The following SLC3A1 variants were observed in gnomAD, a reference collection of about 807,000 sequenced individuals.
SLC3A1 encodes the protein solute carrier family 3 member 1, also known as amino acid transporter heavy chain SLC3A1.
A neutral mutation model predicts 60.3 loss-of-function variants in SLC3A1; 78 were observed. That is an observed-to-expected ratio of 1.29 (90% confidence interval 1.08 to 1.56). SLC3A1 has a LOEUF of 1.56. Ranked by LOEUF, SLC3A1 falls within the 40% of genes most tolerant of loss-of-function variation. SLC3A1 has a pLI of 0.00. For missense variants in SLC3A1, 1,172 were observed against 858.9 expected (o/e 1.36, Z -4.56); for synonymous variants, 392 against 307.9 (o/e 1.27, Z -2.86).
intron 9 of SLC3A1, chr2:44,319,020 G>C (rs2103622727): frequency 6.6e-6 from 1 of 152,210 alleles, no homozygotes; most frequent in East Asian, 1.9e-4. Flanking sequence ...CACTTCTTAT[G>C]TGAGTGGCAC....
chr2:44,320,237 T>C lies in SLC3A1; in HGVS notation c.1656T>C (p.Tyr552=), dbSNP rs2103641399. The change falls in exon 10 of 10, where the codon TAT becomes TAC. Residue 552 remains tyrosine (Y), a synonymous_variant. Transcript: ENST00000260649. ...AGCCCAGATCGGCTTTGAAGTTATATCAAGATTTAAGTCTACTTCATGCCA... is the reference window on the plus strand; with the variant it reads ...AGCCCAGATCGGCTTTGAAGTTATACCAAGATTTAAGTCTACTTCATGCCA... ...KTQPRSALKL[Y]QDLSLLHANE... is the part of the protein sequence containing the mutation. The C allele has an allele frequency of 1.9e-6, 3 of 1,614,030 alleles. No homozygotes were observed. Among genetic ancestry groups the C allele is most frequent in the South Asian group, 2.2e-5 (2 of 91,052 alleles).
At position 44,320,416 on chromosome 2, in the gene SLC3A1, C is replaced by G. The variant is rs759732153; in HGVS notation, c.1835C>G (p.Ser612Trp). 1 of 1,613,980 alleles carries G rather than the reference C, an allele frequency of 6.2e-7. No homozygotes were observed. ...STLLNLHNMI[S>W]GLPAKMRIRL... ...CTGTTAAATCTACATAATATGATTT[C>G]GGGCCTTCCCGCTAAAATGAGAATA... Residue 612 changes from serine (S) to tryptophan (W), a missense_variant, in exon 10 of 10, where the codon TCG becomes TGG. Coordinates refer to ENST00000260649, the MANE Select transcript of SLC3A1 (RefSeq NM_000341.4).
At chr2:44,298,356 C>T (rs775195906) in intron 4 of SLC3A1, among the ~76,000 whole-genome samples, 2 of 151,826 alleles carry the variant, frequency 1.3e-5, no homozygotes, top group South Asian at 2.1e-4. Context: ...TCTGGCCACA[C>T]TGGCCACCCC....
chr2:44,281,500 T>C lies in SLC3A1; in HGVS notation c.724T>C (p.Cys242Arg), dbSNP rs1323168656. The C allele has an allele frequency of 6.2e-7, 1 of 1,614,098 alleles. No individual in the cohort carries two copies. The highest frequency in any genetic ancestry group is 8.5e-7 in the Non-Finnish European group (1 of 1,179,946). ...TACTGATTATTATATCTGGCATGAC[T>C]GTACCCATGAAAATGGCAAAACCAT... ...KYTDYYIWHD[C>R]THENGKTIPP... is the part of the protein sequence containing the mutation. Residue 242 changes from cysteine (C) to arginine (R), a missense_variant, in exon 3 of 10, where the codon TGT (cysteine) becomes CGT (arginine). Transcript: ENST00000260649.
At position 44,321,299 on chromosome 2, in the gene SLC3A1, G is replaced by T; in HGVS notation, c.*660G>T. The T allele has an allele frequency of 7.2e-7, 1 of 1,380,854 alleles. No individual in the cohort carries two copies. Among genetic ancestry groups the T allele is most frequent in the Non-Finnish European group, 1.0e-6 (1 of 988,470 alleles). The allele number at this position is 1,380,854 out of a possible 1,614,324, so 85.5% of individuals were successfully genotyped here. ...AATTTTTTTTTTGCTAACTCAATTGGAAGTAAGACTATGAAATATTTCAGT... is the reference window on the plus strand; with the variant it reads ...AATTTTTTTTTTGCTAACTCAATTGTAAGTAAGACTATGAAATATTTCAGT... On this transcript the variant is annotated 3_prime_UTR_variant, in exon 10 of 10. Transcript: ENST00000260649.
chr2:44,320,131 A>G, intron 9 of SLC3A1, 68 bp from the exon 10 acceptor site: 2 of 1,373,052 alleles, frequency 1.5e-6, no homozygotes, highest in Non-Finnish European at 2.0e-6. Flanking sequence ...TCCTTACAAT[A>G]TATTAAAAAT....
downstream of SLC3A1, among the ~76,000 whole-genome samples, chr2:44,322,241 T>C (rs1673044092): frequency 6.6e-6 from 1 of 151,966 alleles, no homozygotes; most frequent in Non-Finnish European, 1.5e-5. Flanking sequence ...CAAATGGAGA[T>C]GAATACAGGG....
chr2:44,290,192 T>G (rs1368798760), intron 4 of SLC3A1, among the ~76,000 whole-genome samples: 1 of 152,004 alleles, frequency 6.6e-6, no homozygotes, highest in African/African-American at 2.4e-5. Context: ...ATACTATTCT[T>G]TCCCTACTGA....
At chr2:44,280,005 G>A (rs1173859503) in intron 1 of SLC3A1, among the ~76,000 whole-genome samples, 1 of 152,150 alleles carries the variant, frequency 6.6e-6, no homozygotes, top group East Asian at 1.9e-4. Context: ...GTGGCTCTTA[G>A]ACAGAACAGT....
intron 4 of SLC3A1, among the ~76,000 whole-genome samples, chr2:44,290,390 C>T (rs1313109285): frequency 1.3e-5 from 2 of 152,096 alleles, no homozygotes; most frequent in Non-Finnish European, 2.9e-5. Context: ...TGTTCTTTTT[C>T]AGTATTGTTT....
At chr2:44,311,728 A>AC (rs1672302392) in intron 7 of SLC3A1, among the ~76,000 whole-genome samples, 1 of 151,734 alleles carries the variant, frequency 6.6e-6, no homozygotes, top group African/African-American at 2.4e-5. Context: ...GAAGTTAAAA[A>AC]AAAAAAAACC....
intron 9 of SLC3A1, chr2:44,318,909 T>G (rs1341418289): frequency 6.6e-6 from 1 of 152,122 alleles, no homozygotes; most frequent in African/African-American, 2.4e-5. Context: ...TAGAAAATAC[T>G]CAAATGCAAA....
In SLC3A1 at chr2:44,321,197, G is replaced by C; in HGVS notation, c.*558G>C. On this transcript the variant is annotated 3_prime_UTR_variant, in exon 10 of 10. Transcript: ENST00000260649. Reference sequence around the variant, plus strand: ...TCAATGGAGAGAATAGTATAAGCAAGTGAGATGTAGACTAAGCAAAATTTA... The same window carrying C: ...TCAATGGAGAGAATAGTATAAGCAACTGAGATGTAGACTAAGCAAAATTTA... 1.6e-6 allele frequency: 1 copy of C among 644,738 alleles called. No homozygotes were observed. The highest frequency in any genetic ancestry group is 2.7e-6 in the Non-Finnish European group (1 of 369,962). 39.9% of individuals were successfully genotyped at this position (644,738 alleles called of 1,614,324 possible).
downstream of SLC3A1, chr2:44,321,676 A>C: frequency 6.5e-7 from 1 of 1,546,564 alleles, no homozygotes; most frequent in Non-Finnish European, 8.7e-7. Flanking sequence ...CTTGATTGAC[A>C]CAGTGTCCCT....
rs759792533 is a variant in SLC3A1, at chr2:44,275,694, C to T, written c.159C>T (p.Gly53=). 1 of 1,614,164 alleles carries T rather than the reference C, an allele frequency of 6.2e-7. No homozygotes were observed. The highest frequency in any genetic ancestry group is 8.5e-7 in the Non-Finnish European group (1 of 1,180,012). Residue 53 remains glycine, a synonymous_variant, in exon 1 of 10, where the codon GGC becomes GGT. Coordinates refer to ENST00000260649, the MANE Select transcript of SLC3A1 (RefSeq NM_000341.4). ...NLKHSTRGIL[G]SQEPDFKGVQ... ...AGCACAGCACCAGGGGCATCCTTGG[C>T]TCCCAGGAGCCCGACTTCAAGGGCG...
intron 4 of SLC3A1, among the ~76,000 whole-genome samples, chr2:44,289,357 C>T (rs952962355): frequency 4.0e-5 from 6 of 150,180 alleles, no homozygotes; most frequent in Non-Finnish European, 7.4e-5. Context: ...ATTACAGGTG[C>T]GCATCACCAT....
At chr2:44,310,912 A>G (rs1243403705) in intron 7 of SLC3A1, among the ~76,000 whole-genome samples, 2 of 151,754 alleles carry the variant, frequency 1.3e-5, no homozygotes, top group Non-Finnish European at 2.9e-5. Context: ...TTCCCATCTC[A>G]GCTTCTTGAG....
chr2:44,285,931 A>G (rs1671602634), intron 3 of SLC3A1, 101 bp from the exon 4 acceptor site: 6 of 1,463,722 alleles, frequency 4.1e-6, no homozygotes. Context: ...AACTCTCAGG[A>G]TTTACATACT....
intron 1 of SLC3A1, among the ~76,000 whole-genome samples, chr2:44,279,174 T>A (rs1320826030): frequency 1.3e-5 from 2 of 151,940 alleles, no homozygotes; most frequent in African/African-American, 4.8e-5. Context: ...AATTTTTGTA[T>A]TTTTTAGTAG....
Sources: gnomAD v4.1 joint callset for allele counts (sites outside exome capture counted in the v4.1 genomes callset) on GRCh38, gnomAD v4.1.1 for gene constraint, MANE v1.5 for transcripts, NCBI Gene and HGNC (gene_info 2026-07-23, HGNC 2026-07-21) for gene names.